The following TTC13 variants were observed in gnomAD, a reference collection of about 807,000 sequenced individuals.
The protein encoded by TTC13 is tetratricopeptide repeat protein 13.
TTC13 carries 62 observed loss-of-function variants against 120.0 expected under a neutral mutation model. That is an observed-to-expected ratio of 0.52 (90% CI 0.42 to 0.64). The LOEUF is 0.64. TTC13 is among the 30% of genes least tolerant of loss of function. TTC13 has a pLI of 0.00. For missense variants in TTC13, 824 were observed against 1,050.2 expected (o/e 0.78, Z 2.98); for synonymous variants, 384 against 393.5 (o/e 0.98, Z 0.28).
At chr1:230,926,952 A>G (rs1673104852) in intron 12 of TTC13, among the ~76,000 whole-genome samples, 1 of 152,248 alleles carries the variant, frequency 6.6e-6, no homozygotes, top group African/African-American at 2.4e-5. Context: ...TATATACAAT[A>G]TACTCTACAG....
Position 230,940,568 on chromosome 1 carries a change from A to G in TTC13, c.673-12T>C. The G allele has an allele frequency of 6.4e-7, 1 of 1,555,106 alleles. No homozygotes were observed. Among genetic ancestry groups the G allele is most frequent in the Non-Finnish European group, 8.9e-7 (1 of 1,128,134 alleles). ...AGAGGGGACAGAATCTAGAAATCCC[A>G]AACATGTAATCAGGAAGAATACCAA... On this transcript the variant is annotated splice_polypyrimidine_tract_variant and intron_variant, in intron 6 of 22. Coordinates refer to ENST00000366661, the MANE Select transcript of TTC13 (RefSeq NM_024525.5). The surrounding 1 kb of genome is among the most constrained non-coding windows in gnomAD (Gnocchi z 4.1).
chr1:230,953,443 T>C (rs991008972), intron 4 of TTC13, among the ~76,000 whole-genome samples: 1 of 152,240 alleles, frequency 6.6e-6, no homozygotes, highest in Non-Finnish European at 1.5e-5. Flanking sequence ...GAATGGTACT[T>C]TGACTAGCCA....
chr1:230,956,076 T>A (rs1247369587), intron 3 of TTC13, among the ~76,000 whole-genome samples: 1 of 152,220 alleles, frequency 6.6e-6, no homozygotes, highest in Non-Finnish European at 1.5e-5. Context: ...CATTTGCTCC[T>A]CCACTGCAAT....
chr1:230,923,059 A>G (rs1672733787), intron 15 of TTC13, among the ~76,000 whole-genome samples: 1 of 152,228 alleles, frequency 6.6e-6, no homozygotes. Context: ...ATTAAAACCC[A>G]AACTTAAAGG....
chr1:230,906,711 TC>T lies in TTC13; in HGVS notation c.*193del, dbSNP rs1316938749. 3 of 319,548 alleles carry T rather than the reference TC, an allele frequency of 9.4e-6. No individual in the cohort carries two copies. Among genetic ancestry groups the T allele is most frequent in the South Asian group, 1.3e-4 (1 of 7,630 alleles). The allele number at this position is 319,548 out of a possible 1,614,324, so 19.8% of individuals were successfully genotyped here. A position where few individuals can be genotyped will look rare whatever the true frequency, so the allele number is the denominator to read the frequency against. Reference sequence around the variant, plus strand: ...TTTCCCTCCAAGTCAAGTAGCTTTTTCCCCCCGAAAGCCTCTTTCATGATTT... The same window carrying T: ...TTTCCCTCCAAGTCAAGTAGCTTTTTCCCCCGAAAGCCTCTTTCATGATTT... On this transcript the variant is annotated 3_prime_UTR_variant, in exon 23 of 23. Transcript: ENST00000366661.
At chr1:230,964,081 T>C (rs535536671) in intron 1 of TTC13, among the ~76,000 whole-genome samples, 1 of 152,332 alleles carries the variant, frequency 6.6e-6, no homozygotes, top group Admixed American at 6.5e-5. Flanking sequence ...TGTGTATACC[T>C]GGCCTTATTC....
chr1:230,969,264 AAAAAGAAAAG>A lies in TTC13; in HGVS notation c.272-7971_272-7962del, dbSNP rs59423340. 8.0e-5 allele frequency among the ~76,000 whole-genome samples: 12 copies of A among 150,022 alleles called. No homozygotes were observed. The East Asian group carries it at 2.2e-3, about 27-fold the overall frequency. On this transcript the variant is annotated intron_variant, in intron 1 of 22. Transcript: ENST00000366661. ...GTGACAAAGCGACACTCCATCTCAA[AAAAAGAAAAG>A]AAAAGAAAAGAAAAAGAAAGCTTAA...
In TTC13 at chr1:230,929,013, T is replaced by C. The variant is rs1673296049; in HGVS notation, c.1381A>G (p.Lys461Glu). 4 of 1,614,154 alleles carry C rather than the reference T, an allele frequency of 2.5e-6. No individual in the cohort carries two copies. Among genetic ancestry groups the C allele is most frequent in the Non-Finnish European group, 3.4e-6 (4 of 1,180,008 alleles). ...GGCAAATTTTTAGCCCAGTGGTCCT[T>C]AAAGCTTCCAGGCAGATCCACATCA... ...NIDVDLPGSF[K>E]DHWAKNLPFL... The change falls in exon 12 of 23, where the codon AAG becomes GAG. Residue 461 changes from lysine (K) to glutamate (E), a missense_variant. Lys to Glu is a moderately conservative substitution (Grantham distance 56). This residue lies in a region of TTC13 where 430 missense variants were observed against 626.8 expected (regional missense o/e 0.69). Coordinates refer to ENST00000366661, the MANE Select transcript of TTC13 (RefSeq NM_024525.5).
At chr1:230,963,495 G>A (rs531137027) in intron 1 of TTC13, among the ~76,000 whole-genome samples, 1 of 151,948 alleles carries the variant, frequency 6.6e-6, no homozygotes, top group Admixed American at 6.6e-5. Context: ...AATTAGCTGG[G>A]TGTGGTAGTA....
At chr1:230,937,365 T>A (rs1674161273) in intron 8 of TTC13, among the ~76,000 whole-genome samples, 1 of 152,262 alleles carries the variant, frequency 6.6e-6, no homozygotes, top group Admixed American at 6.5e-5. Context: ...TTTTTTGTAT[T>A]TGTAATCTTT....
rs1672920136 is a variant in TTC13, at chr1:230,924,923, T to C, written c.1639A>G (p.Thr547Ala). The C allele has an allele frequency of 1.2e-6, 2 of 1,614,188 alleles. No homozygotes were observed. Among genetic ancestry groups the C allele is most frequent in the Non-Finnish European group, 1.7e-6 (2 of 1,180,030 alleles). The change falls in exon 14 of 23, where the codon ACC (threonine) becomes GCC (alanine). Residue 547 changes from threonine to alanine, a missense_variant. Transcript: ENST00000366661. The stretch of plus-strand genomic sequence containing the variant: ...CCATTCATTCGAACTTTCGAGTTGG[T>C]CCATGTACGCTGCACGGCTTGCATG... The part of the protein sequence containing the change: ...EVMQAVQRTW[T>A]NSKVRMNGKT...
At chr1:230,923,496 A>C (rs6704291) in intron 15 of TTC13, among the ~76,000 whole-genome samples, 103,840 of 151,924 alleles carry the variant, frequency 0.68, 35,575 homozygotes, top group Admixed American at 0.72. Context: ...GTACTATCAA[A>C]AGAATATTAT....
chr1:230,954,322 A>AC lies in TTC13; in HGVS notation c.513+10_513+11insG. The AC allele has an allele frequency of 6.2e-7, 1 of 1,606,372 alleles. No homozygotes were observed. Among genetic ancestry groups the AC allele is most frequent in the East Asian group, 2.2e-5 (1 of 44,806 alleles). On this transcript the variant is annotated intron_variant, in intron 4 of 22. Coordinates refer to ENST00000366661, the MANE Select transcript of TTC13 (RefSeq NM_024525.5). ...TAAACTCAAAATTACATAAATAAGA[A>AC]GAAAATTTACCTGAAGCATTGTTGA...
chr1:230,912,053 G>T (rs1239538744), intron 19 of TTC13, among the ~76,000 whole-genome samples: 1 of 152,132 alleles, frequency 6.6e-6, no homozygotes, highest in Non-Finnish European at 1.5e-5. Context: ...AGGGTAAGGG[G>T]CACCCGTCCA....
chr1:230,948,148 G>C (rs1675183588), intron 4 of TTC13, among the ~76,000 whole-genome samples: 1 of 152,070 alleles, frequency 6.6e-6, no homozygotes, highest in Admixed American at 6.6e-5. Context: ...ACCTAATACA[G>C]TGACATTCAA....
chr1:230,934,811 T>A (rs1008197766), intron 8 of TTC13, among the ~76,000 whole-genome samples: 4 of 152,248 alleles, frequency 2.6e-5, no homozygotes, highest in Non-Finnish European at 5.9e-5. Flanking sequence ...TTACACCTGA[T>A]TAGATAATTC....
chr1:230,917,603 T>C (rs1672161774), intron 17 of TTC13, among the ~76,000 whole-genome samples: 1 of 152,104 alleles, frequency 6.6e-6, no homozygotes, highest in African/African-American at 2.4e-5. Flanking sequence ...AGGCTAGATG[T>C]ATAATGCTGA....
chr1:230,941,537 G>A (rs950538836), intron 6 of TTC13, among the ~76,000 whole-genome samples: 1 of 152,150 alleles, frequency 6.6e-6, no homozygotes, highest in African/African-American at 2.4e-5. Flanking sequence ...TCTTGGCCTT[G>A]AGCAATCCTC....
intron 4 of TTC13, among the ~76,000 whole-genome samples, chr1:230,950,278 T>G (rs1157517209): frequency 1.3e-5 from 2 of 151,992 alleles, no homozygotes; most frequent in African/African-American, 4.8e-5. Context: ...AGAAACTTTT[T>G]AAAAAGTTTC....
Sources: gnomAD v4.1 joint callset for allele counts (sites outside exome capture counted in the v4.1 genomes callset) on GRCh38, gnomAD v4.1.1 for gene constraint, gnomAD v4.1.1 regional missense constraint, Gnocchi (gnomAD v3.1) non-coding constraint, MANE v1.5 for transcripts, NCBI Gene and HGNC (gene_info 2026-07-23, HGNC 2026-07-21) for gene names.